GRID1: variants seen among roughly 807,000 people sequenced by gnomAD.
The protein encoded by GRID1 is glutamate ionotropic receptor delta type subunit 1.
Under a neutral mutation model 98.0 loss-of-function variants are expected in GRID1, and 28 were observed. The observed-to-expected ratio is 0.29, with a 90% CI of 0.21 to 0.39. The LOEUF (loss-of-function observed/expected upper bound fraction) is 0.39, where lower values mean the gene tolerates loss of function less well. GRID1 is among the 10% of genes least tolerant of loss of function. The pLI is 1.00. For synonymous variants in GRID1, 553 were observed against 538.5 expected (o/e 1.03, Z -0.37); for missense variants, 1,111 against 1,340.5 (o/e 0.83, Z 2.67).
At chr10:85,760,618 TCA>T (rs769147606) in intron 8 of GRID1, among the ~76,000 whole-genome samples, 5 of 152,132 alleles carry the variant, frequency 3.3e-5, no homozygotes, top group African/African-American at 1.2e-4. Context: ...ATGAGACTGG[TCA>T]CACACACACA....
At chr10:85,876,469 A>T (rs1057175967) in intron 5 of GRID1, among the ~76,000 whole-genome samples, 21 of 152,170 alleles carry the variant, frequency 1.4e-4, no homozygotes, top group Admixed American at 1.4e-3. Flanking sequence ...AACCCAAGAT[A>T]ATCGCCCCAT....
At chr10:85,963,433 A>C (rs556481875) in intron 4 of GRID1, among the ~76,000 whole-genome samples, 1 of 152,156 alleles carries the variant, frequency 6.6e-6, no homozygotes, top group Non-Finnish European at 1.5e-5. Flanking sequence ...CACTCGCCAC[A>C]CAGTGGACAG....
intron 4 of GRID1, among the ~76,000 whole-genome samples, chr10:86,074,463 C>T: frequency 6.6e-6 from 1 of 152,164 alleles, no homozygotes; most frequent in East Asian, 1.9e-4. Flanking sequence ...AGATAATGAC[C>T]TAATTTATGC....
intron 2 of GRID1, among the ~76,000 whole-genome samples, chr10:86,264,261 T>C (rs1353442745): frequency 6.6e-6 from 1 of 152,046 alleles, no homozygotes; most frequent in Non-Finnish European, 1.5e-5. Context: ...GGCCAGGCCT[T>C]TTCATTTGTC....
chr10:85,791,785 A>T (rs943703655), intron 8 of GRID1, among the ~76,000 whole-genome samples: 3 of 152,208 alleles, frequency 2.0e-5, no homozygotes, highest in African/African-American at 7.2e-5. Flanking sequence ...AAAGAAATCT[A>T]AGAAGAGATA....
rs1156681998 is a variant in GRID1, at chr10:85,955,554, T to C, written c.727-39315A>G. 1.3e-5 allele frequency among the ~76,000 whole-genome samples: 2 copies of C among 152,086 alleles called. 1 individual carries two copies. The highest frequency in any genetic ancestry group is 4.2e-4 in the South Asian group (2 of 4,816). On this transcript the variant is annotated intron_variant, in intron 4 of 15. Coordinates refer to ENST00000327946, the MANE Select transcript of GRID1 (RefSeq NM_017551.3). Reference sequence around the variant, plus strand: ...GAATTCAGCCTCATTAGGGGTACTATCCTATTCAAAGATGTAGGGCATGTT... The same window carrying C: ...GAATTCAGCCTCATTAGGGGTACTACCCTATTCAAAGATGTAGGGCATGTT...
At chr10:86,321,735 C>T (rs1216867825) in intron 2 of GRID1, among the ~76,000 whole-genome samples, 1 of 152,106 alleles carries the variant, frequency 6.6e-6, no homozygotes, top group African/African-American at 2.4e-5. Flanking sequence ...CAGGCAGAAG[C>T]AGGGAGTAGG....
At position 86,206,632 on chromosome 10, in the gene GRID1, G is replaced by A. The variant is rs748690962; in HGVS notation, c.252C>T (p.Thr84=). The stretch of plus-strand genomic sequence containing the variant: ...ACGTGACCAAGGCCAAAATCCCCTG[G>A]GTCATGAGGTCACAGGCTAGAAAGA... The part of the protein sequence containing the change: ...QAVQEACDLM[T]QGILALVTST... The change falls in exon 3 of 16, where the codon ACC becomes ACT. Residue 84 remains threonine (T), a synonymous_variant. Coordinates refer to ENST00000327946, the MANE Select transcript of GRID1 (RefSeq NM_017551.3). The surrounding 1 kb of genome is among the most constrained non-coding windows in gnomAD (Gnocchi z 4.1). The A allele has an allele frequency of 3.1e-6, 5 of 1,613,124 alleles. No individual in the cohort carries two copies. The highest frequency in any genetic ancestry group is 1.3e-5 in the African/African-American group (1 of 74,916).
At chr10:86,122,919 G>A (rs146718580) in intron 4 of GRID1, among the ~76,000 whole-genome samples, 392 of 152,312 alleles carry the variant, frequency 2.6e-3, no homozygotes, top group Non-Finnish European at 4.6e-3. Context: ...GTGCCCTGCC[G>A]TGCAGGCCTG....
At chr10:86,251,139 A>G (rs1846822502) in intron 2 of GRID1, among the ~76,000 whole-genome samples, 1 of 152,150 alleles carries the variant, frequency 6.6e-6, no homozygotes, top group Non-Finnish European at 1.5e-5. Context: ...AGATGCTTGA[A>G]AGCAGCATAC....
chr10:86,021,658 G>T (rs1843051414), intron 4 of GRID1, among the ~76,000 whole-genome samples: 1 of 152,072 alleles, frequency 6.6e-6, no homozygotes, highest in Non-Finnish European at 1.5e-5. Context: ...TACCATGTTT[G>T]TTACAACTGA....
At chr10:85,628,390 G>A (rs182312598) in intron 13 of GRID1, among the ~76,000 whole-genome samples, 1 of 152,176 alleles carries the variant, frequency 6.6e-6, no homozygotes, top group Admixed American at 6.6e-5. Context: ...GTAGGTTGAT[G>A]AGTGTGTTTA....
intron 12 of GRID1, among the ~76,000 whole-genome samples, chr10:85,654,701 T>A (rs1219843358): frequency 6.6e-6 from 1 of 152,140 alleles, no homozygotes; most frequent in Non-Finnish European, 1.5e-5. Flanking sequence ...AAGACAAACA[T>A]GTGAGACTAA....
intron 2 of GRID1, among the ~76,000 whole-genome samples, chr10:86,277,897 G>A (rs1847296771): frequency 6.6e-6 from 1 of 152,038 alleles, no homozygotes; most frequent in Non-Finnish European, 1.5e-5. Context: ...ACTATAAATA[G>A]TAAAATGGCA....
chr10:85,841,695 C>T (rs1029418361), intron 8 of GRID1, among the ~76,000 whole-genome samples: 3 of 151,900 alleles, frequency 2.0e-5, no homozygotes, highest in African/African-American at 4.8e-5. Context: ...CAAAAGAAGA[C>T]ATACAGGTAG....
At chr10:86,328,058 ACT>A (rs2132100438) in intron 2 of GRID1, among the ~76,000 whole-genome samples, 1 of 152,312 alleles carries the variant, frequency 6.6e-6, no homozygotes, top group East Asian at 1.9e-4. Context: ...ATGTCATGAA[ACT>A]CTGTTTGAAA....
chr10:85,895,935 G>A (rs571205169), intron 5 of GRID1, among the ~76,000 whole-genome samples: 1 of 151,932 alleles, frequency 6.6e-6, no homozygotes, highest in South Asian at 2.1e-4. Flanking sequence ...CTCTCTGGGG[G>A]AAAAACGAAC....
chr10:85,783,107 G>A (rs907334228), intron 8 of GRID1, among the ~76,000 whole-genome samples: 2 of 152,164 alleles, frequency 1.3e-5, no homozygotes, highest in Non-Finnish European at 2.9e-5. Flanking sequence ...CATCCCCAGA[G>A]AATAAGTGCC....
intron 5 of GRID1, among the ~76,000 whole-genome samples, chr10:85,897,312 A>G (rs967327814): frequency 2.0e-5 from 3 of 152,108 alleles, no homozygotes; most frequent in African/African-American, 7.2e-5. Flanking sequence ...TTCTCCCAAG[A>G]TATTTTCTTT....
Sources: allele counts gnomAD v4.1 joint callset (sites outside exome capture counted in the v4.1 genomes callset), GRCh38; gene constraint gnomAD v4.1.1; non-coding constraint Gnocchi (gnomAD v3.1); transcripts MANE v1.5; gene names NCBI Gene and HGNC (gene_info 2026-07-23, HGNC 2026-07-21).